DST: variants seen among roughly 807,000 people sequenced by gnomAD.
The protein encoded by DST is dystonin.
A neutral mutation model predicts 875.2 loss-of-function variants in DST; 253 were observed. The observed-to-expected ratio is 0.29, with a 90% CI of 0.26 to 0.32. DST has a LOEUF of 0.32. Ranked by LOEUF, DST falls within the 10% of genes least tolerant of loss-of-function variation. The pLI is 1.00. For missense variants in DST, 8,287 were observed against 9,111.6 expected, an observed-to-expected ratio of 0.91 and a Z score of 3.68; for synonymous variants, 3,124 against 3,197.1, an observed-to-expected ratio of 0.98 and a Z score of 0.77.
Position 56,597,985 on chromosome 6 carries a change from C to T in DST, c.11950G>A (p.Glu3984Lys), listed in dbSNP as rs753208447. 2.2e-5 allele frequency: 35 copies of T among 1,600,038 alleles called. No individual in the cohort carries two copies. Among genetic ancestry groups the T allele is most frequent in the South Asian group, 1.5e-4 (13 of 88,216 alleles). ...TTTTCTATTTTGGTTTTGCTCTCTT[C>T]CAGCTGCTTCACTGCTGCTACCTGG... is the stretch of plus-strand genomic sequence containing the variant. ...TEKVAAVKQL[E>K]ESKTKIENLL... Residue 3984 changes from glutamate (E) to lysine (K), a missense_variant, in exon 47 of 104, where the codon GAA (glutamate) becomes AAA (lysine). Transcript: ENST00000680361.
At position 56,460,181 on chromosome 6, in the gene DST, T is replaced by C. The variant is rs1444235196; in HGVS notation, c.23144A>G (p.Asp7715Gly). ...AGCTGCAGTTGTTATCAAGCCACTGTCCTCCCCAGAGTGGAAGCCTTTCCC... is the reference window on the plus strand; with the variant it reads ...AGCTGCAGTTGTTATCAAGCCACTGCCCTCCCCAGAGTGGAAGCCTTTCCC... ...LSGKGFHSGE[D>G]SGLITTAAAR... The change falls in exon 103 of 104, where the codon GAC becomes GGC. Residue 7715 changes from aspartate to glycine, a missense_variant. Asp to Gly is a moderately conservative substitution (Grantham distance 94). Coordinates refer to ENST00000680361, the MANE Select transcript of DST (RefSeq NM_001374736.1). 6.2e-7 allele frequency: 1 copy of C among 1,613,980 alleles called. No homozygotes were observed. The highest frequency in any genetic ancestry group is 8.5e-7 in the Non-Finnish European group (1 of 1,179,876).
intron 6 of DST, among the ~76,000 whole-genome samples, chr6:56,704,056 T>C (rs2099322749): frequency 6.6e-6 from 1 of 152,178 alleles, no homozygotes; most frequent in Non-Finnish European, 1.5e-5. Context: ...ATTATAGAAC[T>C]GATTATATAA....
chr6:56,782,445 G>A (rs1251925181), intron 4 of DST, among the ~76,000 whole-genome samples: 7 of 149,746 alleles, frequency 4.7e-5, no homozygotes, highest in African/African-American at 1.7e-4. Flanking sequence ...TCCTGGTTTA[G>A]TCTTGGGAGA....
At chr6:56,695,233 C>T (rs1477571339) in intron 9 of DST, among the ~76,000 whole-genome samples, 1 of 151,866 alleles carries the variant, frequency 6.6e-6, no homozygotes, top group Non-Finnish European at 1.5e-5. Flanking sequence ...CCTGCTTCCC[C>T]TTTGCCTTCC....
chr6:56,722,368 G>GTTTGTTTATTTATTTATTTA (rs376637331), intron 5 of DST, among the ~76,000 whole-genome samples: 52 of 150,708 alleles, frequency 3.5e-4, no homozygotes, highest in African/African-American at 1.2e-3. Flanking sequence ...GTACATGTTT[G>GTTTGTTTATTTATTTATTTA]TTTATTTATT....
chr6:56,629,384 C>T lies in DST; in HGVS notation c.4341G>A (p.Leu1447=). Residue 1447 remains leucine, a synonymous_variant, in exon 32 of 104, where the codon TTG becomes TTA. Transcript: ENST00000680361. The part of the protein sequence containing the change: ...RQVFHALEDE[L]QKAKAISDEM... ...CATCACTGATGGCTTTAGCTTTCTG[C>T]AACTCATCCTCTAAGGCATGGAATA... 2 of 1,613,678 alleles carry T rather than the reference C, an allele frequency of 1.2e-6. No individual in the cohort carries two copies. The highest frequency in any genetic ancestry group is 2.2e-5 in the East Asian group (1 of 44,792).
At chr6:56,477,593 C>G in intron 90 of DST, 105 bp from the exon 91 acceptor site, 1 of 1,423,698 alleles carries the variant, frequency 7.0e-7, no homozygotes, top group Non-Finnish European at 9.7e-7. Flanking sequence ...ACAAAAACTT[C>G]AATTGGTTTA....
intron 59 of DST, 64 bp from the exon 60 acceptor site, chr6:56,555,904 G>A: frequency 7.3e-7 from 1 of 1,374,934 alleles, no homozygotes; most frequent in Non-Finnish European, 9.5e-7. Context: ...ACACAGATTT[G>A]GTGTCCAAAC....
intron 26 of DST, 89 bp downstream of exon 26, chr6:56,634,373 T>C (rs2098808271): frequency 6.2e-7 from 1 of 1,606,522 alleles, no homozygotes; most frequent in East Asian, 2.2e-5. Context: ...CTTTTGATCC[T>C]GTGGGGCCTT....
chr6:56,782,832 A>G (rs1401776516), intron 4 of DST, among the ~76,000 whole-genome samples: 1 of 151,458 alleles, frequency 6.6e-6, no homozygotes, highest in East Asian at 1.9e-4. Context: ...TCAATTTTGG[A>G]TCTTTCCTGC....
chr6:56,837,022 T>A (rs1477516012), intron 4 of DST, among the ~76,000 whole-genome samples: 1 of 152,048 alleles, frequency 6.6e-6, no homozygotes, highest in Admixed American at 6.6e-5. Context: ...GGAAAATAGA[T>A]CCACTGCTCT....
chr6:56,522,188 A>G (rs1329916180), intron 69 of DST, among the ~76,000 whole-genome samples: 3 of 152,254 alleles, frequency 2.0e-5, no homozygotes, highest in African/African-American at 7.2e-5. Context: ...AGTGCTTAAC[A>G]TGCAATACCT....
At chr6:56,599,723 A>G (rs1048913053) in intron 45 of DST, among the ~76,000 whole-genome samples, 3 of 152,090 alleles carry the variant, frequency 2.0e-5, no homozygotes, top group African/African-American at 7.2e-5. Context: ...AAAGAACCCA[A>G]AGTGATGGCT....
intron 36 of DST, chr6:56,619,798 T>C: frequency 6.2e-6 from 10 of 1,614,188 alleles, no homozygotes; most frequent in Non-Finnish European, 8.5e-6. Flanking sequence ...TATTATTTGT[T>C]TCATCTAGTT....
At chr6:56,793,068 C>CA (rs61457774) in intron 4 of DST, among the ~76,000 whole-genome samples, 2,674 of 42,326 alleles carry the variant, frequency 0.063, 586 homozygotes, top group Non-Finnish European at 0.1. Flanking sequence ...GACCCTGTCT[C>CA]AAAAAAAAAA....
intron 64 of DST, among the ~76,000 whole-genome samples, chr6:56,530,478 T>C (rs531076903): frequency 6.6e-6 from 1 of 152,284 alleles, no homozygotes; most frequent in South Asian, 2.1e-4. Flanking sequence ...TGAACACATA[T>C]TCTGTGCCAG....
At chr6:56,736,961 C>T (rs531627840) in intron 4 of DST, among the ~76,000 whole-genome samples, 155 of 152,078 alleles carry the variant, frequency 1.0e-3, no homozygotes, top group Non-Finnish European at 1.9e-3. Flanking sequence ...ATTGTTTGAG[C>T]CCAGGATTTG....
rs1296027161 is a variant in DST at position 56,670,814 on chromosome 6, A to G, written c.1048-7T>C. The G allele has an allele frequency of 2.5e-6, 4 of 1,577,938 alleles. No homozygotes were observed. The highest frequency in any genetic ancestry group is 2.3e-5 in the East Asian group (1 of 43,602). ...TAACATGGATATCAGATATCTAGATATAACAGAAAGTGTTAAACCTTTAGG... is the reference window on the plus strand; with the variant it reads ...TAACATGGATATCAGATATCTAGATGTAACAGAAAGTGTTAAACCTTTAGG... On this transcript the variant is annotated splice_region_variant and splice_polypyrimidine_tract_variant and intron_variant, in intron 9 of 103. Coordinates refer to ENST00000680361, the MANE Select transcript of DST (RefSeq NM_001374736.1).
At chr6:56,859,686 T>G (rs1449710633) in intron 3 of DST, among the ~76,000 whole-genome samples, 1 of 152,200 alleles carries the variant, frequency 6.6e-6, no homozygotes, top group East Asian at 1.9e-4. Context: ...AAATATGTCT[T>G]AAGTACCTAT....
Sources: allele counts gnomAD v4.1 joint callset (sites outside exome capture counted in the v4.1 genomes callset), GRCh38; gene constraint gnomAD v4.1.1; transcripts MANE v1.5; gene names NCBI Gene and HGNC (gene_info 2026-07-23, HGNC 2026-07-21).